CHCHD7: variants seen among roughly 807,000 people sequenced by gnomAD.
The protein encoded by CHCHD7 is coiled-coil-helix-coiled-coil-helix domain-containing protein 7.
In CHCHD7, 7 loss-of-function variants were observed where a neutral mutation model predicts 10.5. The observed-to-expected ratio is 0.67, with a 90% CI of 0.38 to 1.25. The LOEUF (loss-of-function observed/expected upper bound fraction) is 1.25. CHCHD7 is among the 50% of genes most tolerant of loss of function. The pLI is 0.02. For missense variants in CHCHD7, 100 were observed against 104.5 expected (o/e 0.96, Z 0.19); for synonymous variants, 40 against 36.0 (o/e 1.11, Z -0.40).
intron 1 of CHCHD7, chr8:56,213,210 A>C: frequency 4.3e-6 from 1 of 232,814 alleles, no homozygotes; most frequent in Non-Finnish European, 8.3e-6. Flanking sequence ...TTTTGCCAAG[A>C]TGTTACTGTT....
Position 56,215,820 on chromosome 8 carries a change from A to C in CHCHD7, c.55-613A>C, listed in dbSNP as rs73596238. Among the ~76,000 whole-genome samples the C allele has an allele frequency of 6.1e-3, 924 of 152,278 alleles. 11 individuals carry two copies. Among genetic ancestry groups the C allele is most frequent in the African/African-American group, 0.02 (847 of 41,550 alleles). On this transcript the variant is annotated intron_variant, in intron 2 of 3. Transcript: ENST00000355315. ...TAAATTTAATCCCCATGTGGCACCTACTTTCCTTTGAATTTATAGCTTGTG... is the reference window on the plus strand; with the variant it reads ...TAAATTTAATCCCCATGTGGCACCTCCTTTCCTTTGAATTTATAGCTTGTG...
intron 1 of CHCHD7, chr8:56,212,886 C>G: frequency 6.2e-7 from 1 of 1,606,744 alleles, no homozygotes; most frequent in South Asian, 1.1e-5. Flanking sequence ...CAAACTCGAA[C>G]TGGGTATATG....
chr8:56,213,148 T>C (rs1813122337), intron 1 of CHCHD7: 2 of 345,368 alleles, frequency 5.8e-6, no homozygotes, highest in Non-Finnish European at 5.2e-6. Context: ...AAAAATTGTC[T>C]TCAGGAGAGG....
rs1345307386 is a variant in CHCHD7 at position 56,217,534 on chromosome 8, A to G, written c.*99A>G. 4.1e-6 allele frequency: 3 copies of G among 725,212 alleles called. No individual in the cohort carries two copies. Among genetic ancestry groups the G allele is most frequent in the African/African-American group, 1.8e-5 (1 of 55,468 alleles). The allele number at this position is 725,212 out of a possible 1,614,324, so 44.9% of individuals were successfully genotyped here. A position where few individuals can be genotyped will look rare whatever the true frequency, so the allele number is the denominator to read the frequency against. ...AAGACTGTACACCCCTCACCCAGAC[A>G]GACCTTAAGTTCTTCAAGTGGAGAC... On this transcript the variant is annotated 3_prime_UTR_variant, in exon 4 of 4. Coordinates refer to ENST00000355315, the MANE Select transcript of CHCHD7 (RefSeq NM_001011671.3).
At chr8:56,214,727 T>C in intron 2 of CHCHD7, 60 bp downstream of exon 2, 1 of 1,283,672 alleles carries the variant, frequency 7.8e-7, no homozygotes, top group Non-Finnish European at 1.1e-6. Context: ...CTGCTCTAGT[T>C]TTGTGGGCCT....
rs1336500039 is a variant in CHCHD7 at position 56,217,357 on chromosome 8, G to A, written c.180G>A (p.Lys60=). 3.1e-6 allele frequency: 5 copies of A among 1,612,062 alleles called. No homozygotes were observed. The highest frequency in any genetic ancestry group is 2.2e-5 in the East Asian group (1 of 44,858). Residue 60 remains lysine (K), a synonymous_variant, in exon 4 of 4, where the codon AAG becomes AAA. Transcript: ENST00000355315. ...FWNSIVMQRR[K]NGVKPFMPTA... ...ATTCTATCGTGATGCAGAGAAGAAA[G>A]AACGGAGTGAAGCCATTTATGCCTA...
chr8:56,217,414 A>G lies in CHCHD7; in HGVS notation c.237A>G (p.Ala79=). ...CAGAAAGAGATGAAATCTTGAGAGC[A>G]GTGGGAAATATGCCCTATTGAATGT... ...TAAERDEILR[A]VGNMPY The change falls in exon 4 of 4, where the codon GCA becomes GCG. Residue 79 remains alanine (A), a synonymous_variant. Transcript: ENST00000355315. 1.9e-6 allele frequency: 3 copies of G among 1,600,260 alleles called. No homozygotes were observed. Among genetic ancestry groups the G allele is most frequent in the Non-Finnish European group, 2.6e-6 (3 of 1,167,318 alleles).
At chr8:56,216,985 C>G (rs546563368) in intron 3 of CHCHD7, 19 of 428,562 alleles carry the variant, frequency 4.4e-5, no homozygotes, top group Middle Eastern at 7.1e-4. Flanking sequence ...CGGGATCCAG[C>G]TATTTCCTTT....
chr8:56,216,917 G>T, intron 3 of CHCHD7: 1 of 484,786 alleles, frequency 2.1e-6, no homozygotes, highest in East Asian at 4.0e-5. Context: ...ATCCGTGGAA[G>T]TTAAAATGGT....
intron 1 of CHCHD7, 35 bp downstream of exon 1, chr8:56,211,872 C>A (rs575556563): frequency 1.3e-5 from 2 of 152,686 alleles, no homozygotes; most frequent in South Asian, 2.1e-4. Flanking sequence ...CCGAAGCGGC[C>A]GCAGAAAAGC....
intron 1 of CHCHD7, chr8:56,213,032 G>A: frequency 1.6e-6 from 1 of 611,562 alleles, no homozygotes; most frequent in Non-Finnish European, 2.9e-6. Context: ...TAAATCTAAG[G>A]TGTATGAAGA....
rs1365890145 is a variant in CHCHD7, at chr8:56,216,425, T to C, written c.55-8T>C. On this transcript the variant is annotated splice_polypyrimidine_tract_variant and splice_region_variant and intron_variant, in intron 2 of 3. Coordinates refer to ENST00000355315, the MANE Select transcript of CHCHD7 (RefSeq NM_001011671.3). ...CCTTTTAAATGATGCCTCTCTTATATCTGTAAGGAATCTGATGCTTCCACC... is the reference window on the plus strand; with the variant it reads ...CCTTTTAAATGATGCCTCTCTTATACCTGTAAGGAATCTGATGCTTCCACC... The C allele has an allele frequency of 1.9e-6, 3 of 1,614,168 alleles. No individual in the cohort carries two copies. The highest frequency in any genetic ancestry group is 2.5e-6 in the Non-Finnish European group (3 of 1,179,990).
chr8:56,216,559 TA>T (rs745657642), intron 3 of CHCHD7, 28 bp downstream of exon 3: 2 of 1,613,548 alleles, frequency 1.2e-6, no homozygotes, highest in Non-Finnish European at 1.7e-6. Flanking sequence ...AGCTTTGTGT[TA>T]AAACCCATCT....
chr8:56,216,681 C>A (rs1422656689), intron 3 of CHCHD7, 150 bp downstream of exon 3: 3 of 838,952 alleles, frequency 3.6e-6, no homozygotes, highest in Non-Finnish European at 6.0e-6. Context: ...CTACTTTAGC[C>A]GTGAAAGATC....
chr8:56,218,526 GT>G lies in CHCHD7; in HGVS notation c.*1092del, dbSNP rs1585863627. The G allele has an allele frequency of 4.7e-6, 1 of 213,194 alleles. No individual in the cohort carries two copies. Among genetic ancestry groups the G allele is most frequent in the East Asian group, 7.1e-5 (1 of 14,174 alleles). The allele number at this position is 213,194 out of a possible 1,614,324, so 13.2% of individuals were successfully genotyped here. ...AATGGCTGCCGACAATGAACTGTCT[GT>G]CTGAGTCTAAAACCAAGCTCAGGTT... On this transcript the variant is annotated 3_prime_UTR_variant, in exon 4 of 4. Coordinates refer to ENST00000355315, the MANE Select transcript of CHCHD7 (RefSeq NM_001011671.3).
At chr8:56,214,315 C>A in intron 1 of CHCHD7, 1 of 220,742 alleles carries the variant, frequency 4.5e-6, no homozygotes, top group Non-Finnish European at 9.0e-6. Context: ...AAGCAGCCCT[C>A]TCGCTCCAGC....
At position 56,216,481 on chromosome 8, in the gene CHCHD7, G is replaced by C. The variant is rs752743740; in HGVS notation, c.103G>C (p.Glu35Gln). Residue 35 changes from glutamate to glutamine, a missense_variant, in exon 3 of 4, where the codon GAA (glutamate) becomes CAA (glutamine). Glu to Gln is a conservative substitution (Grantham distance 29). Transcript: ENST00000355315. Reference sequence around the variant, plus strand: ...TCTGGATGAAAATAACTATGACAGGGAAAGGTGTTCCACTTACTTCTTGAG... The same window carrying C: ...TCTGGATGAAAATAACTATGACAGGCAAAGGTGTTCCACTTACTTCTTGAG... ...RCLDENNYDRERCSTYFLRYK... is the reference protein window; with the variant it reads ...RCLDENNYDRQRCSTYFLRYK... 5.6e-6 allele frequency: 9 copies of C among 1,614,154 alleles called. No homozygotes were observed. Among genetic ancestry groups the C allele is most frequent in the Middle Eastern group, 3.3e-4 (2 of 6,062 alleles).
chr8:56,212,011 G>C (rs977939637), intron 1 of CHCHD7, 174 bp downstream of exon 1: 1 of 152,888 alleles, frequency 6.5e-6, no homozygotes, highest in African/African-American at 2.4e-5. Flanking sequence ...ACACGGGTCT[G>C]TTCGCTCCGG....
chr8:56,213,764 A>T (rs1813174283), intron 1 of CHCHD7: 1 of 152,254 alleles, frequency 6.6e-6, no homozygotes, highest in Non-Finnish European at 1.5e-5. Flanking sequence ...TGCCACTGGA[A>T]GTAAAATTTC....
Sources: allele counts gnomAD v4.1 joint callset (sites outside exome capture counted in the v4.1 genomes callset), GRCh38; gene constraint gnomAD v4.1.1; transcripts MANE v1.5; gene names NCBI Gene and HGNC (gene_info 2026-07-23, HGNC 2026-07-21).